The following CAST variants were observed in gnomAD, a reference collection of about 807,000 sequenced individuals.
The protein encoded by CAST is MIR583 host.
In CAST, 76 loss-of-function variants were observed where a neutral mutation model predicts 119.6. The ratio of observed to expected loss-of-function variants is 0.64; its 90% CI spans 0.53 to 0.77. The LOEUF (loss-of-function observed/expected upper bound fraction) is 0.77, where lower values mean the gene tolerates loss of function less well. CAST is among the 30% of genes least tolerant of loss of function. CAST has a pLI of 0.00. For synonymous variants in CAST, 319 were observed against 331.6 expected, an observed-to-expected ratio of 0.96 and a Z score of 0.41; for missense variants, 953 against 946.5, an observed-to-expected ratio of 1.01 and a Z score of -0.09.
chr5:96,393,176 G>C, the CAST span: 2 of 1,614,032 alleles, frequency 1.2e-6, no homozygotes, highest in Non-Finnish European at 1.7e-6. Context: ...GTTTTCATAA[G>C]GGATGTTGAG....
chr5:96,275,955 C>T, the CAST span, among the ~76,000 whole-genome samples: 3 of 152,338 alleles, frequency 2.0e-5, no homozygotes, highest in African/African-American at 4.8e-5. Flanking sequence ...CTTCACTTTA[C>T]ATCCTTTTTC....
chr5:95,996,141 C>T, the CAST span, among the ~76,000 whole-genome samples: 53 of 152,184 alleles, frequency 3.5e-4, no homozygotes, highest in Non-Finnish European at 6.3e-4. Flanking sequence ...ACCAGTCTGA[C>T]GCACTGAGGA....
chr5:96,079,109 T>A, the CAST span: 2 of 471,056 alleles, frequency 4.2e-6, no homozygotes, highest in East Asian at 1.4e-4. Flanking sequence ...CCTATTTAAA[T>A]GATAGGAAGG....
At chr5:96,744,622 A>G (rs886682211) in intron 16 of CAST, among the ~76,000 whole-genome samples, 10 of 152,210 alleles carry the variant, frequency 6.6e-5, no homozygotes, top group Non-Finnish European at 1.3e-4. Context: ...CAAAGTATGA[A>G]TGTTTCTAAA....
the CAST span, chr5:96,410,839 C>A: frequency 6.2e-7 from 1 of 1,614,102 alleles, no homozygotes; most frequent in Admixed American, 1.7e-5. Context: ...CACTTCTCAG[C>A]GTACCAGGGG....
intron 3 of CAST, among the ~76,000 whole-genome samples, chr5:96,698,699 A>G (rs1753572808): frequency 6.6e-6 from 1 of 152,238 alleles, no homozygotes; most frequent in Non-Finnish European, 1.5e-5. Flanking sequence ...TTTATTACAC[A>G]GTTATCATGG....
At chr5:96,735,072 C>G (rs1354413514) in intron 9 of CAST, among the ~76,000 whole-genome samples, 2 of 152,142 alleles carry the variant, frequency 1.3e-5, no homozygotes, top group Non-Finnish European at 2.9e-5. Context: ...TTTCAATTAT[C>G]CAGACTCAGG....
At chr5:96,476,822 A>G in the CAST span, among the ~76,000 whole-genome samples, 2 of 151,932 alleles carry the variant, frequency 1.3e-5, no homozygotes, top group Non-Finnish European at 2.9e-5. Context: ...AACACTCTTA[A>G]AACATCTCCC....
At chr5:95,990,225 A>AAT in the CAST span, among the ~76,000 whole-genome samples, 1 of 152,074 alleles carries the variant, frequency 6.6e-6, no homozygotes, top group Admixed American at 6.5e-5. Context: ...AAATGACCAA[A>AAT]ATATAGTATC....
the CAST span, among the ~76,000 whole-genome samples, chr5:96,225,480 TAAGTGGAAGTCTAAAAATA>T: frequency 6.6e-6 from 1 of 152,190 alleles, no homozygotes; most frequent in South Asian, 2.1e-4. Flanking sequence ...AGAAAAGAGT[TAAGTGGAAGTCTAAAAATA>T]AAGACTGGAA....
chr5:96,727,806 T>C (rs1190802973), intron 6 of CAST, among the ~76,000 whole-genome samples: 2 of 152,226 alleles, frequency 1.3e-5, no homozygotes, highest in African/African-American at 4.8e-5. Context: ...GTATAGTGAT[T>C]GCTTTAAAAA....
At chr5:96,674,934 T>A (rs1225875772) in intron 1 of CAST, among the ~76,000 whole-genome samples, 1 of 152,232 alleles carries the variant, frequency 6.6e-6, no homozygotes, top group African/African-American at 2.4e-5. Context: ...AGATGTATGA[T>A]TGTTATGTGT....
intron 1 of CAST, among the ~76,000 whole-genome samples, chr5:96,627,394 G>A (rs1747744460): frequency 6.6e-6 from 1 of 152,174 alleles, no homozygotes; most frequent in Admixed American, 6.5e-5. Context: ...GACCTTTTAT[G>A]TAAAATGACC....
intron 20 of CAST, 70 bp from the exon 21 acceptor site, chr5:96,753,984 CTTTCTG>C (rs1191939372): frequency 1.2e-6 from 1 of 819,848 alleles, no homozygotes; most frequent in Non-Finnish European, 2.1e-6. Flanking sequence ...AATGATATGC[CTTTCTG>C]AATTGATAGC....
chr5:96,232,431 C>T, the CAST span, among the ~76,000 whole-genome samples: 19 of 151,932 alleles, frequency 1.3e-4, no homozygotes, highest in African/African-American at 4.6e-4. Flanking sequence ...TTGTCCTTAC[C>T]CACAAATATG....
the CAST span, among the ~76,000 whole-genome samples, chr5:96,345,590 T>C: frequency 5.3e-5 from 8 of 152,210 alleles, no homozygotes; most frequent in African/African-American, 1.9e-4. Flanking sequence ...TTTTTGGGTG[T>C]ACAGTTCCTT....
At chr5:96,622,670 A>T (rs1580850148) in intron 1 of CAST, among the ~76,000 whole-genome samples, 1 of 152,314 alleles carries the variant, frequency 6.6e-6, no homozygotes, top group East Asian at 1.9e-4. Context: ...GGGTTCAATT[A>T]TTAGCCAAAG....
At chr5:96,057,972 G>T in the CAST span, among the ~76,000 whole-genome samples, 1 of 152,166 alleles carries the variant, frequency 6.6e-6, no homozygotes, top group South Asian at 2.1e-4. Flanking sequence ...ATTTTGAGCA[G>T]TGGGGTGCCT....
chr5:95,962,658 C>A, the CAST span, among the ~76,000 whole-genome samples: 1 of 152,098 alleles, frequency 6.6e-6, no homozygotes, highest in South Asian at 2.1e-4. Flanking sequence ...AATTGAGCTT[C>A]GAGGTCTTTC....
Sources: allele counts gnomAD v4.1 joint callset (sites outside exome capture counted in the v4.1 genomes callset), GRCh38; gene constraint gnomAD v4.1.1; transcripts MANE v1.5; gene names NCBI Gene and HGNC (gene_info 2026-07-23, HGNC 2026-07-21).